PRKG1: variants seen among roughly 807,000 people sequenced by gnomAD.
PRKG1 encodes protein kinase cGMP-dependent 1.
A neutral mutation model predicts 88.1 loss-of-function variants in PRKG1; 35 were observed. That is an observed-to-expected ratio of 0.40 (90% CI 0.30 to 0.53). PRKG1 has a LOEUF of 0.53. PRKG1 is among the 20% of genes least tolerant of loss of function. The probability of loss-of-function intolerance (pLI) is 0.59; values close to 1 mark genes in which losing one functional copy is unlikely to be tolerated. For synonymous variants in PRKG1, 303 were observed against 292.5 expected, an observed-to-expected ratio of 1.04 and a Z score of -0.37; for missense variants, 540 against 839.8, an observed-to-expected ratio of 0.64 and a Z score of 4.41.
intron 5 of PRKG1, among the ~76,000 whole-genome samples, chr10:51,950,527 G>C (rs1007750432): frequency 6.6e-6 from 1 of 152,244 alleles, no homozygotes; most frequent in Non-Finnish European, 1.5e-5. Flanking sequence ...TTGCGGAAGG[G>C]AGCACGTGAG....
intron 9 of PRKG1, among the ~76,000 whole-genome samples, chr10:52,198,672 C>T (rs1394393145): frequency 6.6e-6 from 1 of 152,088 alleles, no homozygotes; most frequent in Admixed American, 6.5e-5. Context: ...ATCAAGATAT[C>T]AGAAGCACAC....
chr10:51,588,323 C>A (rs1838223819), intron 3 of PRKG1, among the ~76,000 whole-genome samples: 1 of 151,054 alleles, frequency 6.6e-6, no homozygotes, highest in Non-Finnish European at 1.5e-5. Flanking sequence ...GATAAAAGCA[C>A]CTAAAATCTT....
chr10:52,247,199 C>T (rs1841047311), intron 9 of PRKG1, among the ~76,000 whole-genome samples: 2 of 152,018 alleles, frequency 1.3e-5, no homozygotes, highest in African/African-American at 4.8e-5. Context: ...TTTAAAAAAT[C>T]ATTGTCTCAA....
At chr10:51,957,380 C>T (rs1392803460) in intron 5 of PRKG1, among the ~76,000 whole-genome samples, 1 of 151,568 alleles carries the variant, frequency 6.6e-6, no homozygotes, top group African/African-American at 2.4e-5. Flanking sequence ...CAACCTAAGA[C>T]TCCTGGGCTC....
chr10:52,180,482 T>A (rs1262059520), intron 9 of PRKG1, among the ~76,000 whole-genome samples: 1 of 152,234 alleles, frequency 6.6e-6, no homozygotes, highest in Non-Finnish European at 1.5e-5. Context: ...TTTCCATTCA[T>A]CTGGTGGAAC....
At chr10:52,152,847 G>T (rs1589653625) in intron 8 of PRKG1, among the ~76,000 whole-genome samples, 1 of 152,290 alleles carries the variant, frequency 6.6e-6, no homozygotes, top group Non-Finnish European at 1.5e-5. Context: ...AGGATTTGGT[G>T]TTGGATTAGA....
rs368578248 is a variant in PRKG1, at chr10:51,532,205, C to T, written c.592+64369C>T. ...TCTTATTGTCACACCTTAGTTCATA[C>T]GCTATCTATAGGCGACTATTGTTTC... On this transcript the variant is annotated intron_variant, in intron 3 of 17. Transcript: ENST00000373980. Among the ~76,000 whole-genome samples, 10 of 152,206 alleles carry T rather than the reference C, an allele frequency of 6.6e-5. No homozygotes were observed. In the South Asian group the frequency reaches 1.0e-3, roughly 16 times the overall value.
At chr10:51,743,750 A>C (rs1589251512) in intron 3 of PRKG1, among the ~76,000 whole-genome samples, 1 of 131,792 alleles carries the variant, frequency 7.6e-6, no homozygotes. Flanking sequence ...ATATATATAT[A>C]TATATATATA....
chr10:52,052,977 G>T (rs1329705878), intron 5 of PRKG1, among the ~76,000 whole-genome samples: 1 of 152,112 alleles, frequency 6.6e-6, no homozygotes, highest in Non-Finnish European at 1.5e-5. Context: ...CTGCCATTTT[G>T]TTTTTCAAAT....
intron 3 of PRKG1, among the ~76,000 whole-genome samples, chr10:51,758,006 G>A (rs1837914030): frequency 6.6e-6 from 1 of 152,026 alleles, no homozygotes; most frequent in Admixed American, 6.6e-5. Context: ...TTATATGTAA[G>A]TTTTGTAGAT....
chr10:51,394,582 T>C (rs1837527707), intron 2 of PRKG1, among the ~76,000 whole-genome samples: 1 of 152,240 alleles, frequency 6.6e-6, no homozygotes. Context: ...AATTTGCAGC[T>C]GTTTTAAGCC....
At chr10:52,218,128 C>T (rs1322482793) in intron 9 of PRKG1, among the ~76,000 whole-genome samples, 1 of 151,400 alleles carries the variant, frequency 6.6e-6, no homozygotes, top group Non-Finnish European at 1.5e-5. Context: ...AGGAAAATCA[C>T]CTGAACCTGG....
At chr10:51,677,031 C>T (rs1174102979) in intron 3 of PRKG1, among the ~76,000 whole-genome samples, 3 of 152,112 alleles carry the variant, frequency 2.0e-5, no homozygotes, top group South Asian at 4.1e-4. Context: ...CTGTATGTGC[C>T]CTCCCAATAA....
intron 1 of PRKG1, among the ~76,000 whole-genome samples, chr10:51,114,034 TTTAA>T (rs1269369387): frequency 1.3e-5 from 2 of 151,532 alleles, no homozygotes; most frequent in Non-Finnish European, 2.9e-5. Context: ...TGCCTCATAG[TTTAA>T]TTAATTGATT....
chr10:51,435,787 G>A (rs1035151466), intron 2 of PRKG1, among the ~76,000 whole-genome samples: 1 of 152,018 alleles, frequency 6.6e-6, no homozygotes, highest in Non-Finnish European at 1.5e-5. Context: ...TCATTGCAGT[G>A]TGATATGTGC....
At chr10:51,115,321 G>A (rs1845090220) in intron 1 of PRKG1, among the ~76,000 whole-genome samples, 1 of 78,978 alleles carries the variant, frequency 1.3e-5, no homozygotes, top group Admixed American at 1.7e-4. Flanking sequence ...CTCGGGGCGG[G>A]GGGAGGGAAG....
At chr10:52,089,162 C>G (rs1424755719) in intron 7 of PRKG1, among the ~76,000 whole-genome samples, 2 of 152,026 alleles carry the variant, frequency 1.3e-5, no homozygotes, top group Non-Finnish European at 2.9e-5. Context: ...GTGGTAATTC[C>G]AAATTATGCT....
At chr10:51,344,498 C>T (rs1037314865) in intron 2 of PRKG1, among the ~76,000 whole-genome samples, 9 of 152,176 alleles carry the variant, frequency 5.9e-5, no homozygotes, top group African/African-American at 2.2e-4. Flanking sequence ...GGATTGTACT[C>T]ATATACAAGG....
At chr10:51,434,095 A>G (rs780737216) in intron 2 of PRKG1, among the ~76,000 whole-genome samples, 30 of 152,148 alleles carry the variant, frequency 2.0e-4, no homozygotes, top group Non-Finnish European at 3.7e-4. Flanking sequence ...ACTGTCATTC[A>G]GAGCAGGTGT....
Sources: gnomAD v4.1 joint callset for allele counts (sites outside exome capture counted in the v4.1 genomes callset) on GRCh38, gnomAD v4.1.1 for gene constraint, MANE v1.5 for transcripts, NCBI Gene and HGNC (gene_info 2026-07-23, HGNC 2026-07-21) for gene names.